FILIP1: variants seen among roughly 807,000 people sequenced by gnomAD.
The protein encoded by FILIP1 is filamin-A-interacting protein 1.
In FILIP1, 61 loss-of-function variants were observed where a neutral mutation model predicts 102.1. The ratio of observed to expected loss-of-function variants is 0.60; its 90% CI spans 0.49 to 0.74. The LOEUF (loss-of-function observed/expected upper bound fraction) is 0.74, where lower values mean the gene tolerates loss of function less well. Ranked by LOEUF, FILIP1 falls within the 30% of genes least tolerant of loss-of-function variation. FILIP1 has a pLI of 0.00. For missense variants in FILIP1, 1,314 were observed against 1,441.2 expected (o/e 0.91, Z 1.43); for synonymous variants, 491 against 526.9 (o/e 0.93, Z 0.93).
intron 1 of FILIP1, among the ~76,000 whole-genome samples, chr6:75,457,219 G>A (rs574648867): frequency 1.1e-4 from 16 of 152,254 alleles, no homozygotes; most frequent in Admixed American, 8.5e-4. Flanking sequence ...CCCTAAATTC[G>A]TCAGATGAGT....
At chr6:75,457,612 G>C (rs1582538237) in intron 1 of FILIP1, among the ~76,000 whole-genome samples, 5 of 142,642 alleles carry the variant, frequency 3.5e-5, no homozygotes, top group African/African-American at 5.4e-5. Context: ...TTCAAACAAA[G>C]TCTCTCTCTC....
intron 1 of FILIP1, among the ~76,000 whole-genome samples, chr6:75,423,905 G>A (rs1777552733): frequency 2.0e-5 from 3 of 152,076 alleles, no homozygotes. Context: ...TTTCTCATTG[G>A]CAAAAATGTA....
At chr6:75,321,800 CAA>C (rs989422573) in intron 4 of FILIP1, among the ~76,000 whole-genome samples, 48 of 77,016 alleles carry the variant, frequency 6.2e-4, no homozygotes, top group African/African-American at 1.3e-3. Context: ...GACTCCGTCT[CAA>C]AAAAAAAAAA....
At chr6:75,492,440 T>C (rs1472869214) in intron 1 of FILIP1, among the ~76,000 whole-genome samples, 2 of 152,184 alleles carry the variant, frequency 1.3e-5, no homozygotes, top group Non-Finnish European at 2.9e-5. Context: ...CAAATCATCA[T>C]ATTCATTTAG....
In FILIP1 at chr6:75,312,396, C is replaced by A; in HGVS notation, c.3435+1G>T. 6.2e-7 allele frequency: 1 copy of A among 1,612,008 alleles called. No homozygotes were observed. The highest frequency in any genetic ancestry group is 8.5e-7 in the Non-Finnish European group (1 of 1,178,872). ...TGCGCTTTGGAGCCTCTTCTACTCACCACTGACTGGGTTCCTCGAGCAGAT... is the reference window on the plus strand; with the variant it reads ...TGCGCTTTGGAGCCTCTTCTACTCAACACTGACTGGGTTCCTCGAGCAGAT... On this transcript the variant is annotated splice_donor_variant, in intron 5 of 5. Coordinates refer to ENST00000237172, the MANE Select transcript of FILIP1 (RefSeq NM_015687.5). LOFTEE classifies it high-confidence loss of function.
chr6:75,357,694 G>C (rs1439093448), intron 3 of FILIP1, among the ~76,000 whole-genome samples: 1 of 152,222 alleles, frequency 6.6e-6, no homozygotes, highest in Non-Finnish European at 1.5e-5. Flanking sequence ...GAGGTTTTAG[G>C]TGTCAATTTT....
In FILIP1 at chr6:75,313,979, C is replaced by G; in HGVS notation, c.1853G>C (p.Gly618Ala). The part of the protein sequence containing the change: ...REITRGRSRK[G>A]SELTCPEDNK... Reference sequence around the variant, plus strand: ...ATCTTCCGGGCAGGTGAGCTCAGACCCTTTTCGTGACCTTCCTCTTGTTAT... The same window carrying G: ...ATCTTCCGGGCAGGTGAGCTCAGACGCTTTTCGTGACCTTCCTCTTGTTAT... Residue 618 changes from glycine (G) to alanine (A), a missense_variant, in exon 5 of 6, where the codon GGG becomes GCG. Coordinates refer to ENST00000237172, the MANE Select transcript of FILIP1 (RefSeq NM_015687.5). The surrounding 1 kb of genome is among the most constrained non-coding windows in gnomAD (Gnocchi z 4.2). 6.3e-7 allele frequency: 1 copy of G among 1,580,890 alleles called. No homozygotes were observed.
chr6:75,440,719 G>A (rs934140347), intron 1 of FILIP1, among the ~76,000 whole-genome samples: 4 of 152,180 alleles, frequency 2.6e-5, no homozygotes, highest in Non-Finnish European at 4.4e-5. Flanking sequence ...GGGAGGCTGA[G>A]GCAGGCAATC....
intron 2 of FILIP1, among the ~76,000 whole-genome samples, chr6:75,411,967 C>T (rs1777086864): frequency 6.6e-6 from 1 of 152,114 alleles, no homozygotes; most frequent in African/African-American, 2.4e-5. Context: ...TCAGTGGTAG[C>T]TTGATGGGAA....
chr6:75,407,478 G>A (rs1776908176), intron 2 of FILIP1, among the ~76,000 whole-genome samples: 1 of 151,950 alleles, frequency 6.6e-6, no homozygotes, highest in African/African-American at 2.4e-5. Flanking sequence ...CGCCCACCTC[G>A]GCCTCCCATA....
In FILIP1 at chr6:75,466,691, G is replaced by A. The variant is rs59404051; in HGVS notation, c.-7+26723C>T. On this transcript the variant is annotated intron_variant, in intron 1 of 5. Coordinates refer to ENST00000237172, the MANE Select transcript of FILIP1 (RefSeq NM_015687.5). ...CCTAGATTAAGAGATCAACTAGGTC[G>A]GTGCTCTCCAATAGAGTTTTCTGTG... Among the ~76,000 whole-genome samples the A allele has an allele frequency of 6.4e-3, 972 of 152,186 alleles. 13 individuals carry two copies. Among genetic ancestry groups the A allele is most frequent in the African/African-American group, 0.022 (931 of 41,490 alleles).
chr6:75,481,169 C>A (rs1022737680), intron 1 of FILIP1, among the ~76,000 whole-genome samples: 1 of 152,138 alleles, frequency 6.6e-6, no homozygotes, highest in Non-Finnish European at 1.5e-5. Flanking sequence ...TCTCACTAAA[C>A]CATTTACCCA....
intron 2 of FILIP1, among the ~76,000 whole-genome samples, chr6:75,401,904 T>C (rs372074915): frequency 1.3e-5 from 2 of 152,148 alleles, no homozygotes; most frequent in East Asian, 3.9e-4. Context: ...TTGGGAAATA[T>C]TTGTACAGGT....
intron 2 of FILIP1, among the ~76,000 whole-genome samples, chr6:75,404,722 C>T (rs918879685): frequency 2.0e-5 from 3 of 152,118 alleles, no homozygotes; most frequent in Non-Finnish European, 2.9e-5. Flanking sequence ...CTCAACTGCC[C>T]GCCCCTCAGC....
At chr6:75,467,389 G>A (rs545485581) in intron 1 of FILIP1, among the ~76,000 whole-genome samples, 77 of 152,302 alleles carry the variant, frequency 5.1e-4, no homozygotes, top group African/African-American at 1.8e-3. Context: ...ACATCCTTGT[G>A]TGAATTAGAA....
intron 2 of FILIP1, among the ~76,000 whole-genome samples, chr6:75,381,612 C>G (rs570779558): frequency 9.6e-4 from 146 of 152,232 alleles, no homozygotes; most frequent in Non-Finnish European, 1.0e-3. Flanking sequence ...CCTCTGGCAC[C>G]TGAAATTTTG....
Position 75,416,258 on chromosome 6 carries a change from A to G in FILIP1, c.-6-1280T>C, listed in dbSNP as rs75668353. 7.2e-3 allele frequency among the ~76,000 whole-genome samples: 1,102 copies of G among 152,290 alleles called. 36 individuals carry two copies. The East Asian group carries it at 0.11, about 15-fold the overall frequency. ...TTTCCTTTCAGATAGTGAATATCCA[A>G]TTCTTCCAATGAATCTTGAAATCTA... On this transcript the variant is annotated intron_variant, in intron 1 of 5. Transcript: ENST00000237172.
intron 1 of FILIP1, among the ~76,000 whole-genome samples, chr6:75,447,366 C>T (rs1345454243): frequency 3.3e-5 from 5 of 151,956 alleles, no homozygotes; most frequent in African/African-American, 7.3e-5. Flanking sequence ...GCTAGTTTAC[C>T]ATACATTAGC....
chr6:75,395,145 T>C (rs112968248), intron 2 of FILIP1, among the ~76,000 whole-genome samples: 6 of 152,314 alleles, frequency 3.9e-5, no homozygotes, highest in African/African-American at 1.4e-4. Flanking sequence ...GTACAATATA[T>C]ATATAATATG....
Sources: allele counts gnomAD v4.1 joint callset (sites outside exome capture counted in the v4.1 genomes callset), GRCh38; gene constraint gnomAD v4.1.1; non-coding constraint Gnocchi (gnomAD v3.1); transcripts MANE v1.5; gene names NCBI Gene and HGNC (gene_info 2026-07-23, HGNC 2026-07-21).